EDA: variants seen among roughly 807,000 people sequenced by gnomAD.
The protein encoded by EDA is ectodysplasin-A.
Under a neutral mutation model 23.6 loss-of-function variants are expected in EDA, and 2 were observed. The ratio of observed to expected loss-of-function variants is 0.08; its 90% confidence interval spans 0.03 to 0.27. The LOEUF (loss-of-function observed/expected upper bound fraction) is 0.27. Ranked by LOEUF, EDA falls within the 10% of genes least tolerant of loss-of-function variation. The pLI is 1.00. For synonymous variants in EDA, 131 were observed against 132.0 expected (o/e 0.99, Z 0.05); for missense variants, 229 against 324.2 (o/e 0.71, Z 2.26).
intron 1 of EDA, among the ~76,000 whole-genome samples, chrX:69,820,006 A>G (rs1417858476): frequency 1.8e-5 from 2 of 111,508 alleles, no homozygotes; most frequent in African/African-American, 6.5e-5. Context: ...CTACAAGGTT[A>G]CAGTAACCAA....
At chrX:69,618,641 C>T (rs1302150930) in intron 1 of EDA, among the ~76,000 whole-genome samples, 1 of 111,312 alleles carries the variant, frequency 9.0e-6, no homozygotes, top group East Asian at 2.8e-4. Context: ...GGTGCCCATT[C>T]CCCCAACTAC....
chrX:69,733,988 T>A (rs1364239285), intron 1 of EDA, among the ~76,000 whole-genome samples: 1 of 111,282 alleles, frequency 9.0e-6, no homozygotes. Context: ...TCTCTTGTAT[T>A]TCCTGAAAGT....
At chrX:69,655,608 A>G (rs1933283027) in intron 1 of EDA, among the ~76,000 whole-genome samples, 1 of 105,998 alleles carries the variant, frequency 9.4e-6, no homozygotes, top group Non-Finnish European at 1.9e-5. Context: ...CCTTTTTAGC[A>G]TGATAATACC....
chrX:69,766,827 C>T (rs754383792), intron 1 of EDA, among the ~76,000 whole-genome samples: 1 of 112,332 alleles, frequency 8.9e-6, no homozygotes, highest in South Asian at 3.7e-4. Flanking sequence ...ACTACTGGAT[C>T]GAATGGTAGT....
rs1569281291 is a variant in EDA at position 69,645,594 on chromosome X, G to GTATATATATA, written c.396+28891_396+28892insATATATATAT. Among the ~76,000 whole-genome samples, 38 of 50,039 alleles carry GTATATATATA rather than the reference G, an allele frequency of 7.6e-4. 1 individual carries two copies. Among genetic ancestry groups the GTATATATATA allele is most frequent in the African/African-American group, 4.6e-3 (37 of 8,052 alleles). 43.5% of individuals were successfully genotyped at this position (50,039 alleles called of 115,157 possible). On this transcript the variant is annotated intron_variant, in intron 1 of 7. Coordinates refer to ENST00000374552, the MANE Select transcript of EDA (RefSeq NM_001399.5). ...AGTTCTCTAGTTCTTTTATATATAT[G>GTATATATATA]TGTGTGTGTATATATATATATGTGT...
intron 2 of EDA, among the ~76,000 whole-genome samples, chrX:69,987,333 A>T (rs2019515641): frequency 9.2e-6 from 1 of 109,192 alleles, no homozygotes; most frequent in African/African-American, 3.3e-5. Flanking sequence ...AATAAAAAAA[A>T]AATAAAACAG....
At position 69,731,543 on chromosome X, in the gene EDA, G is replaced by A. The variant is rs559638205; in HGVS notation, c.396+114839G>A. ...TGCAACCTCCGCCTCCCGGGTTCAAGCAATTATCCTGCCTCAACCTCCTGA... is the reference window on the plus strand; with the variant it reads ...TGCAACCTCCGCCTCCCGGGTTCAAACAATTATCCTGCCTCAACCTCCTGA... On this transcript the variant is annotated intron_variant, in intron 1 of 7. Coordinates refer to ENST00000374552, the MANE Select transcript of EDA (RefSeq NM_001399.5). Among the ~76,000 whole-genome samples the A allele has an allele frequency of 5.4e-5, 6 of 110,101 alleles. No homozygotes were observed. The South Asian group carries it at 1.2e-3, about 22-fold the overall frequency.
chrX:69,715,576 G>A lies in EDA; in HGVS notation c.396+98872G>A, dbSNP rs748656906. Among the ~76,000 whole-genome samples the A allele has an allele frequency of 4.5e-5, 5 of 111,576 alleles. No homozygotes were observed. The South Asian group carries it at 1.9e-3, about 42-fold the overall frequency. On this transcript the variant is annotated intron_variant, in intron 1 of 7. Coordinates refer to ENST00000374552, the MANE Select transcript of EDA (RefSeq NM_001399.5). Reference sequence around the variant, plus strand: ...TACGCCACATGCATGTGTCTTTATGGTAGAATGATTTATATTCCTTTGGGT... The same window carrying A: ...TACGCCACATGCATGTGTCTTTATGATAGAATGATTTATATTCCTTTGGGT...
chrX:69,674,102 C>CCTATCAT (rs1555980607), intron 1 of EDA, among the ~76,000 whole-genome samples: 4 of 105,568 alleles, frequency 3.8e-5, no homozygotes, highest in African/African-American at 1.0e-4. Flanking sequence ...GTAGGAAAAG[C>CCTATCAT]CTATCTATCT....
chrX:70,013,104 C>A (rs1204588843), intron 2 of EDA, among the ~76,000 whole-genome samples: 1 of 112,425 alleles, frequency 8.9e-6, no homozygotes, highest in African/African-American at 3.2e-5. Flanking sequence ...TCCACCTGGG[C>A]CCCCAGCACA....
intron 1 of EDA, among the ~76,000 whole-genome samples, chrX:69,720,085 C>T (rs1165426153): frequency 1.8e-5 from 2 of 111,705 alleles, no homozygotes; most frequent in East Asian, 5.6e-4. Flanking sequence ...CTGATGGGCA[C>T]TTAGGTTGGT....
At chrX:69,629,106 A>G (rs1250607960) in intron 1 of EDA, among the ~76,000 whole-genome samples, 1 of 112,055 alleles carries the variant, frequency 8.9e-6, no homozygotes, top group East Asian at 2.8e-4. Context: ...TTAAACTGGC[A>G]TTCTAAGCCC....
At chrX:69,913,139 C>A (rs961286573) in intron 1 of EDA, among the ~76,000 whole-genome samples, 15 of 112,287 alleles carry the variant, frequency 1.3e-4, no homozygotes, top group African/African-American at 4.8e-4. Context: ...AACTTAAAAT[C>A]ACCAGCTGCT....
At chrX:69,620,898 C>T in intron 1 of EDA, 1 of 381,458 alleles carries the variant, frequency 2.6e-6, no homozygotes. Flanking sequence ...TATAACAGGC[C>T]TGTTTTCCTC....
chrX:70,018,200 T>C (rs2019978683), intron 2 of EDA, among the ~76,000 whole-genome samples: 1 of 111,855 alleles, frequency 8.9e-6, no homozygotes, highest in South Asian at 3.7e-4. Context: ...AAATCAGAGA[T>C]GACACAAACA....
Position 70,033,480 on chromosome X carries a change from G to A in EDA, c.876G>A (p.Glu292=). ...KVFKLHPRSG[E]LEVLVDGTYF... ...TTAAGCTACATCCCCGCAGCGGGGA[G>A]CTGGAGGTACTGGTGGACGGCACCT... The change falls in exon 7 of 8, where the codon GAG becomes GAA. Residue 292 remains glutamate (E), a synonymous_variant. Coordinates refer to ENST00000374552, the MANE Select transcript of EDA (RefSeq NM_001399.5). 1 of 1,211,547 alleles carries A rather than the reference G, an allele frequency of 8.3e-7. No individual in the cohort carries two copies.
intron 1 of EDA, among the ~76,000 whole-genome samples, chrX:69,721,597 G>A (rs1008430459): frequency 2.7e-5 from 3 of 110,870 alleles, no homozygotes; most frequent in Admixed American, 1.9e-4. Flanking sequence ...GTGACATTGG[G>A]CTCACCTGAT....
intron 1 of EDA, among the ~76,000 whole-genome samples, chrX:69,906,130 A>G (rs1325141489): frequency 8.9e-6 from 1 of 112,206 alleles, no homozygotes; most frequent in Non-Finnish European, 1.9e-5. Context: ...GCCCACTCTT[A>G]AAACTCTTCA....
chrX:69,690,553 A>C (rs1253079741), intron 1 of EDA, among the ~76,000 whole-genome samples: 4 of 111,474 alleles, frequency 3.6e-5, no homozygotes, highest in African/African-American at 9.8e-5. Context: ...ATTTTATTGA[A>C]GATTTTTATG....
Sources: gnomAD v4.1 joint callset for allele counts (sites outside exome capture counted in the v4.1 genomes callset) on GRCh38, gnomAD v4.1.1 for gene constraint, MANE v1.5 for transcripts, NCBI Gene and HGNC (gene_info 2026-07-23, HGNC 2026-07-21) for gene names.